Variants in NRXN1 observed in about 807,000 individuals in gnomAD.
The protein encoded by NRXN1 is neurexin-1.
In NRXN1, 39 loss-of-function variants were observed where a neutral mutation model predicts 150.9. The observed-to-expected ratio is 0.26, with a 90% CI of 0.20 to 0.34. The LOEUF (loss-of-function observed/expected upper bound fraction) is 0.34, where lower values mean the gene tolerates loss of function less well. Among genes scored for constraint, NRXN1 ranks in the 10% least tolerant of loss-of-function variants. The probability of loss-of-function intolerance (pLI) is 1.00; values close to 1 mark genes in which losing one functional copy is unlikely to be tolerated. For missense variants in NRXN1, 1,815 were observed against 1,949.9 expected, an observed-to-expected ratio of 0.93 and a Z score of 1.30; for synonymous variants, 924 against 757.0, an observed-to-expected ratio of 1.22 and a Z score of -3.62.
intron 21 of NRXN1, among the ~76,000 whole-genome samples, chr2:50,045,737 T>C (rs1298148933): frequency 1.3e-5 from 2 of 152,200 alleles, no homozygotes; most frequent in African/African-American, 4.8e-5. Flanking sequence ...GATATTACTT[T>C]GTCCTACCAC....
intron 5 of NRXN1, among the ~76,000 whole-genome samples, chr2:50,668,292 G>T (rs1455324566): frequency 6.6e-6 from 1 of 151,722 alleles, no homozygotes; most frequent in Non-Finnish European, 1.5e-5. Flanking sequence ...CTTAATCAGT[G>T]TTCTTTTTTT....
intron 18 of NRXN1, among the ~76,000 whole-genome samples, chr2:50,092,893 C>A (rs578158416): frequency 6.6e-6 from 1 of 151,968 alleles, no homozygotes; most frequent in Admixed American, 6.6e-5. Context: ...TTAGGCTTGA[C>A]GGATGGTTTA....
chr2:49,941,425 A>G (rs757769948), intron 22 of NRXN1, among the ~76,000 whole-genome samples: 2 of 151,554 alleles, frequency 1.3e-5, no homozygotes, highest in Non-Finnish European at 2.9e-5. Flanking sequence ...TCTTAGGTCT[A>G]GTGTCACCAG....
chr2:50,373,626 A>AG (rs2080210776), intron 17 of NRXN1, among the ~76,000 whole-genome samples: 2 of 98,610 alleles, frequency 2.0e-5, no homozygotes, highest in Admixed American at 1.2e-4. Flanking sequence ...AGAGAGAAAG[A>AG]AAAGAAAGAA....
intron 17 of NRXN1, among the ~76,000 whole-genome samples, chr2:50,299,232 A>G (rs546070349): frequency 6.6e-6 from 1 of 152,254 alleles, no homozygotes; most frequent in South Asian, 2.1e-4. Flanking sequence ...TGGCAGGAGA[A>G]CTGAATTTCT....
chr2:50,465,399 G>C lies in NRXN1; in HGVS notation c.3364+43C>G, dbSNP rs371413077. On this transcript the variant is annotated intron_variant, in intron 17 of 22. Transcript: ENST00000401669. ...GACTTTAGATATCAAACAGTAACTGGAAGCAACGATGAGTATCAGTCCATA... is the reference window on the plus strand; with the variant it reads ...GACTTTAGATATCAAACAGTAACTGCAAGCAACGATGAGTATCAGTCCATA... 48 of 1,542,114 alleles carry C rather than the reference G, an allele frequency of 3.1e-5. No individual in the cohort carries two copies. In the African/African-American group the frequency reaches 5.9e-4, roughly 19 times the overall value.
chr2:50,377,155 A>T (rs1008349606), intron 17 of NRXN1, among the ~76,000 whole-genome samples: 1 of 152,068 alleles, frequency 6.6e-6, no homozygotes, highest in African/African-American at 2.4e-5. Flanking sequence ...TATGAAGGCA[A>T]ACATGTGCGA....
chr2:50,572,094 T>G (rs1670753136), intron 8 of NRXN1, among the ~76,000 whole-genome samples: 1 of 152,078 alleles, frequency 6.6e-6, no homozygotes, highest in African/African-American at 2.4e-5. Flanking sequence ...TATTTTCAGG[T>G]GGACCCAGAG....
At chr2:50,044,531 G>A (rs945658402) in intron 21 of NRXN1, among the ~76,000 whole-genome samples, 2 of 152,152 alleles carry the variant, frequency 1.3e-5, no homozygotes, top group Non-Finnish European at 2.9e-5. Context: ...TAAGAAGCAT[G>A]TTTCCCCAAT....
intron 8 of NRXN1, chr2:50,615,849 T>C (rs1472642854): frequency 6.6e-6 from 1 of 152,184 alleles, no homozygotes; most frequent in Non-Finnish European, 1.5e-5. Flanking sequence ...AACTGCTTGT[T>C]AGAAAATTTA....
chr2:50,553,331 G>A (rs1274814954), intron 8 of NRXN1, among the ~76,000 whole-genome samples: 1 of 152,102 alleles, frequency 6.6e-6, no homozygotes, highest in Non-Finnish European at 1.5e-5. Context: ...TTAATTTCAT[G>A]TCTACATTAC....
At chr2:50,440,591 A>G (rs988108050) in intron 17 of NRXN1, among the ~76,000 whole-genome samples, 5 of 152,142 alleles carry the variant, frequency 3.3e-5, no homozygotes, top group African/African-American at 1.2e-4. Context: ...GTATAATTTT[A>G]TATAAGGTGG....
At chr2:50,702,165 C>T (rs1231292332) in intron 5 of NRXN1, among the ~76,000 whole-genome samples, 1 of 151,982 alleles carries the variant, frequency 6.6e-6, no homozygotes, top group South Asian at 2.1e-4. Context: ...AGAAATTCAC[C>T]GTGTCCATTA....
intron 18 of NRXN1, among the ~76,000 whole-genome samples, chr2:50,111,644 A>C (rs1702393002): frequency 6.6e-6 from 1 of 152,008 alleles, no homozygotes; most frequent in South Asian, 2.1e-4. Flanking sequence ...GTCTCAAAAA[A>C]AAGAAAAAAA....
chr2:50,050,786 TG>T (rs200044208), intron 21 of NRXN1, among the ~76,000 whole-genome samples: 3 of 94,534 alleles, frequency 3.2e-5, no homozygotes, highest in African/African-American at 1.0e-4. Context: ...TCTTCCCTAA[TG>T]TTTTTTCCCC....
chr2:50,390,317 G>T (rs546537070), intron 17 of NRXN1, among the ~76,000 whole-genome samples: 84 of 152,090 alleles, frequency 5.5e-4, no homozygotes, highest in African/African-American at 2.0e-3. Context: ...TTAATTCCAT[G>T]AATCAAAAGG....
At chr2:50,003,166 T>C (rs1558671018) in intron 21 of NRXN1, among the ~76,000 whole-genome samples, 1 of 152,092 alleles carries the variant, frequency 6.6e-6, no homozygotes, top group Non-Finnish European at 1.5e-5. Context: ...TGCATCAATA[T>C]GGAATAGGGT....
chr2:50,568,901 C>G (rs1020878510), intron 8 of NRXN1, among the ~76,000 whole-genome samples: 48 of 151,954 alleles, frequency 3.2e-4, no homozygotes, highest in African/African-American at 1.0e-3. Flanking sequence ...TAAGTGTCCA[C>G]CAACAGACAA....
intron 17 of NRXN1, among the ~76,000 whole-genome samples, chr2:50,301,390 A>G (rs1454080683): frequency 1.3e-5 from 2 of 152,246 alleles, no homozygotes; most frequent in African/African-American, 4.8e-5. Context: ...AATCCAGAAA[A>G]TCTGACTCCA....
Sources: allele counts gnomAD v4.1 joint callset (sites outside exome capture counted in the v4.1 genomes callset), GRCh38; gene constraint gnomAD v4.1.1; transcripts MANE v1.5; gene names NCBI Gene and HGNC (gene_info 2026-07-23, HGNC 2026-07-21).